The following MACF1 variants were observed in gnomAD, a reference collection of about 807,000 sequenced individuals.
MACF1 encodes the protein microtubule-actin cross-linking factor 1.
Under a neutral mutation model 854.8 loss-of-function variants are expected in MACF1, and 193 were observed. That is an observed-to-expected ratio of 0.23 (90% CI 0.20 to 0.25). The LOEUF (loss-of-function observed/expected upper bound fraction) is 0.25, where lower values mean the gene tolerates loss of function less well. Among genes scored for constraint, MACF1 ranks in the 10% least tolerant of loss-of-function variants. MACF1 has a pLI of 1.00. For synonymous variants in MACF1, 3,185 were observed against 3,226.7 expected (o/e 0.99, Z 0.44); for missense variants, 7,722 against 8,929.1 (o/e 0.86, Z 5.45).
intron 2 of MACF1, among the ~76,000 whole-genome samples, chr1:39,142,910 T>C (rs1353489759): frequency 2.6e-5 from 4 of 152,132 alleles, no homozygotes; most frequent in African/African-American, 9.7e-5. Context: ...CCTGTTGGAG[T>C]GATAGGCTGG....
intron 1 of MACF1, among the ~76,000 whole-genome samples, chr1:39,218,236 A>G: frequency 6.7e-6 from 1 of 149,894 alleles, no homozygotes; most frequent in Middle Eastern, 3.5e-3. Flanking sequence ...TGGCTGGTTT[A>G]CAGACTGATA....
At position 39,349,556 on chromosome 1, in the gene MACF1, C is replaced by T; in HGVS notation, c.10894C>T (p.Leu3632=). 2 of 1,614,240 alleles carry T rather than the reference C, an allele frequency of 1.2e-6. No individual in the cohort carries two copies. Among genetic ancestry groups the T allele is most frequent in the Non-Finnish European group, 1.7e-6 (2 of 1,180,028 alleles). ...CSWVGQAERA[L]AGHQGRTTQQ... Reference sequence around the variant, plus strand: ...TTGGGTAGGACAGGCAGAAAGAGCACTGGCAGGCCACCAAGGCAGAACCAC... The same window carrying T: ...TTGGGTAGGACAGGCAGAAAGAGCATTGGCAGGCCACCAAGGCAGAACCAC... Residue 3632 remains leucine (L), a synonymous_variant, in exon 42 of 101, where the codon CTG becomes TTG. Transcript: ENST00000564288.
Position 39,129,646 on chromosome 1 carries a change from G to A in MACF1, c.220+45208G>A, listed in dbSNP as rs796946961. 4.6e-5 allele frequency among the ~76,000 whole-genome samples: 7 copies of A among 152,240 alleles called. 1 individual carries two copies. The highest frequency in any genetic ancestry group is 1.4e-4 in the African/African-American group (6 of 41,546). On this transcript the variant is annotated intron_variant, in intron 2 of 93. Transcript: ENST00000361689. ...TGTCTTACCAGCCCTAGACCTTAAG[G>A]GTGGCCAGGACCTCCTTGCATTTGC...
intron 6 of MACF1, among the ~76,000 whole-genome samples, chr1:39,264,266 T>C (rs1211638097): frequency 6.6e-6 from 1 of 152,232 alleles, no homozygotes; most frequent in Non-Finnish European, 1.5e-5. Context: ...ATTGCTGGGT[T>C]ATATACTTTC....
At chr1:39,358,105 A>T (rs752160824) in intron 45 of MACF1, among the ~76,000 whole-genome samples, 1 of 152,246 alleles carries the variant, frequency 6.6e-6, no homozygotes, top group Non-Finnish European at 1.5e-5. Flanking sequence ...CTAATACCTA[A>T]TACCTAGCAC....
At chr1:39,184,524 T>G (rs1366241294) in intron 2 of MACF1, among the ~76,000 whole-genome samples, 1 of 152,064 alleles carries the variant, frequency 6.6e-6, no homozygotes, top group Non-Finnish European at 1.5e-5. Context: ...AGTCTTGTGG[T>G]GGTGGTGTTT....
intron 2 of MACF1, among the ~76,000 whole-genome samples, chr1:39,099,537 C>T (rs1186496944): frequency 6.6e-6 from 1 of 152,176 alleles, no homozygotes; most frequent in Non-Finnish European, 1.5e-5. Flanking sequence ...TGGGAATAAA[C>T]TTTCTAGAGG....
intron 26 of MACF1, among the ~76,000 whole-genome samples, chr1:39,311,299 CTTTTATTCTA>C (rs1646295424): frequency 1.3e-5 from 2 of 152,166 alleles, no homozygotes; most frequent in Admixed American, 1.3e-4. Flanking sequence ...AGATGCTACT[CTTTTATTCTA>C]TCCCTTATGT....
chr1:39,401,097 GTACACATACA>G (rs1461093446), intron 58 of MACF1, among the ~76,000 whole-genome samples: 1 of 152,152 alleles, frequency 6.6e-6, no homozygotes, highest in East Asian at 1.9e-4. Flanking sequence ...TATATTTTAT[GTACACATACA>G]TATACATACA....
chr1:39,397,805 A>G (rs1642331932), intron 58 of MACF1, among the ~76,000 whole-genome samples: 1 of 152,194 alleles, frequency 6.6e-6, no homozygotes, highest in African/African-American at 2.4e-5. Context: ...TAAAGTTGAA[A>G]AATCTTCAGT....
At chr1:39,159,630 C>G (rs1011330616) in intron 2 of MACF1, among the ~76,000 whole-genome samples, 3 of 152,132 alleles carry the variant, frequency 2.0e-5, no homozygotes, top group African/African-American at 7.2e-5. Context: ...TCTTCACTGA[C>G]CAGACATGAG....
At chr1:39,350,144 T>C (rs1263470322) in intron 42 of MACF1, among the ~76,000 whole-genome samples, 6 of 152,312 alleles carry the variant, frequency 3.9e-5, no homozygotes, top group South Asian at 4.1e-4. Context: ...CAATCTAGTC[T>C]AGGATTTCAG....
chr1:39,394,226 G>T (rs540568852), intron 58 of MACF1, among the ~76,000 whole-genome samples: 1 of 151,034 alleles, frequency 6.6e-6, no homozygotes, highest in East Asian at 1.9e-4. Flanking sequence ...AGAAAGTCTT[G>T]TAAACGCCTT....
Position 39,283,283 on chromosome 1 carries a change from C to A in MACF1, c.790C>A (p.Arg264Ser). The A allele has an allele frequency of 6.2e-7, 1 of 1,612,772 alleles. No homozygotes were observed. The highest frequency in any genetic ancestry group is 8.5e-7 in the Non-Finnish European group (1 of 1,178,798). Residue 264 changes from arginine to serine, a missense_variant, in exon 8 of 101, where the codon CGC (arginine) becomes AGC (serine). Coordinates refer to ENST00000564288, the MANE Select transcript of MACF1 (RefSeq NM_001394062.1). The surrounding 1 kb of genome is among the most constrained non-coding windows in gnomAD (Gnocchi z 4.5). The stretch of plus-strand genomic sequence containing the variant: ...AGTGGCAGAAAGACTGGGGGTCACT[C>A]GCCTGCTGGATGCAGAAGGTGAGAG... ...FEVAERLGVT[R>S]LLDAEDVDVP...
intron 68 of MACF1, 107 bp downstream of exon 68, chr1:39,433,262 CTTA>C (rs1333886890): frequency 3.3e-6 from 2 of 603,442 alleles, no homozygotes; most frequent in Non-Finnish European, 5.7e-6. Context: ...CTGGACTTTT[CTTA>C]TGATTGTTAT....
In MACF1 at chr1:39,358,886, A is replaced by G; in HGVS notation, c.12120+13A>G. ...TGCAACAACAAAGGTAAGTCAGGAC[A>G]CAGGCTGTGTTGTGGTGTCAAGACC... is the stretch of plus-strand genomic sequence containing the variant. On this transcript the variant is annotated intron_variant, in intron 46 of 100. Transcript: ENST00000564288. 6.2e-7 allele frequency: 1 copy of G among 1,600,674 alleles called. No individual in the cohort carries two copies. Among genetic ancestry groups the G allele is most frequent in the Non-Finnish European group, 8.5e-7 (1 of 1,175,474 alleles).
At chr1:39,346,482 A>G (rs1206206977) in intron 40 of MACF1, among the ~76,000 whole-genome samples, 1 of 151,994 alleles carries the variant, frequency 6.6e-6, no homozygotes, top group Non-Finnish European at 1.5e-5. Flanking sequence ...ACTTAATTCT[A>G]ATTTATGAGG....
At chr1:39,288,355 A>G (rs1460516219) in intron 15 of MACF1, among the ~76,000 whole-genome samples, 2 of 151,934 alleles carry the variant, frequency 1.3e-5, no homozygotes, top group Admixed American at 1.3e-4. Context: ...AAAACTAGCC[A>G]GGTGTGGTGG....
rs563142958 is a variant in MACF1 at position 39,133,784 on chromosome 1, C to T, written c.220+49346C>T. ...ACGATACATTGTTTGCTGTACAATA[C>T]ATCTCCAGAACTTATTCATTTTTTC... On this transcript the variant is annotated intron_variant, in intron 2 of 93. Coordinates refer to the MACF1 transcript ENST00000361689. Among the ~76,000 whole-genome samples, 73 of 152,258 alleles carry T rather than the reference C, an allele frequency of 4.8e-4. No homozygotes were observed. The South Asian group carries it at 0.014, about 29-fold the overall frequency.
Sources: gnomAD v4.1 joint callset for allele counts (sites outside exome capture counted in the v4.1 genomes callset) on GRCh38, gnomAD v4.1.1 for gene constraint, Gnocchi (gnomAD v3.1) non-coding constraint, MANE v1.5 for transcripts, NCBI Gene and HGNC (gene_info 2026-07-23, HGNC 2026-07-21) for gene names.